Variants in PATJ observed in about 807,000 individuals in gnomAD.
PATJ encodes the protein inaD-like protein.
PATJ carries 190 observed loss-of-function variants against 224.9 expected under a neutral mutation model. The ratio of observed to expected loss-of-function variants is 0.84; its 90% CI spans 0.75 to 0.95. The LOEUF (loss-of-function observed/expected upper bound fraction) is 0.95, where lower values mean the gene tolerates loss of function less well. PATJ is among the 40% of genes least tolerant of loss of function. PATJ has a pLI of 0.00. For synonymous variants in PATJ, 769 were observed against 820.3 expected, an observed-to-expected ratio of 0.94 and a Z score of 1.07; for missense variants, 2,121 against 2,270.3, an observed-to-expected ratio of 0.93 and a Z score of 1.34.
intron 7 of PATJ, among the ~76,000 whole-genome samples, chr1:61,783,892 C>A (rs1441633883): frequency 2.0e-5 from 3 of 151,942 alleles, no homozygotes; most frequent in Non-Finnish European, 2.9e-5. Context: ...CACAGGCGCT[C>A]ACCACCATGC....
chr1:61,804,525 G>A (rs1198710591), intron 12 of PATJ, among the ~76,000 whole-genome samples: 2 of 152,112 alleles, frequency 1.3e-5, no homozygotes, highest in Admixed American at 6.5e-5. Flanking sequence ...TAGGCAGATG[G>A]TTATATCAGT....
chr1:61,868,868 G>A (rs1228254905), intron 20 of PATJ, among the ~76,000 whole-genome samples: 5 of 152,062 alleles, frequency 3.3e-5, no homozygotes, highest in Admixed American at 1.3e-4. Flanking sequence ...TCTATTTTGT[G>A]CCTGGGAGAG....
chr1:61,936,092 A>G (rs1331381860), intron 27 of PATJ, among the ~76,000 whole-genome samples: 1 of 152,082 alleles, frequency 6.6e-6, no homozygotes, highest in African/African-American at 2.4e-5. Context: ...AATTCAGTAT[A>G]TTCAGAATTG....
At chr1:61,990,656 T>G (rs1645009537) in intron 28 of PATJ, among the ~76,000 whole-genome samples, 1 of 152,206 alleles carries the variant, frequency 6.6e-6, no homozygotes, top group Admixed American at 6.5e-5. Context: ...CAAAATTAAT[T>G]TGTATATTAA....
intron 1 of PATJ, among the ~76,000 whole-genome samples, chr1:61,748,115 G>A (rs970485768): frequency 1.3e-5 from 2 of 151,110 alleles, no homozygotes; most frequent in Non-Finnish European, 3.0e-5. Context: ...TTCTGACCTC[G>A]TGATCCACCC....
At chr1:61,914,876 C>T (rs867648455) in intron 26 of PATJ, among the ~76,000 whole-genome samples, 21 of 152,112 alleles carry the variant, frequency 1.4e-4, no homozygotes, top group South Asian at 2.1e-4. Context: ...ATACTATAAA[C>T]GGCCAGTCAG....
intron 23 of PATJ, among the ~76,000 whole-genome samples, chr1:61,900,516 C>T (rs1411911959): frequency 6.6e-6 from 1 of 152,166 alleles, no homozygotes. Flanking sequence ...GACAACGAGC[C>T]ACTCAGTGGC....
At chr1:61,819,089 C>T (rs1656745579) in intron 14 of PATJ, among the ~76,000 whole-genome samples, 1 of 152,206 alleles carries the variant, frequency 6.6e-6, no homozygotes, top group Non-Finnish European at 1.5e-5. Context: ...CCTCCCACAG[C>T]CATCCCCCAG....
intron 29 of PATJ, among the ~76,000 whole-genome samples, chr1:62,022,503 A>G (rs1647143177): frequency 6.6e-6 from 1 of 152,126 alleles, no homozygotes; most frequent in African/African-American, 2.4e-5. Flanking sequence ...CGTGTTTGGC[A>G]TTCTCCCCTT....
chr1:61,866,446 C>A (rs1337843031), intron 20 of PATJ, among the ~76,000 whole-genome samples: 1 of 151,968 alleles, frequency 6.6e-6, no homozygotes, highest in Non-Finnish European at 1.5e-5. Context: ...TATTTGAATT[C>A]TTCAGTGCAT....
At chr1:62,088,009 A>G (rs1660239281) in intron 33 of PATJ, among the ~76,000 whole-genome samples, 1 of 112,068 alleles carries the variant, frequency 8.9e-6, no homozygotes, top group East Asian at 2.1e-4. Context: ...CTCCTGCCTC[A>G]GCCTCCTGAG....
chr1:61,923,661 T>C (rs1674663728), intron 26 of PATJ, among the ~76,000 whole-genome samples: 1 of 152,106 alleles, frequency 6.6e-6, no homozygotes, highest in Non-Finnish European at 1.5e-5. Context: ...CTCATGCCTG[T>C]AATCCCAGCA....
intron 22 of PATJ, among the ~76,000 whole-genome samples, chr1:61,884,697 G>A (rs1434671936): frequency 6.6e-6 from 1 of 152,044 alleles, no homozygotes; most frequent in African/African-American, 2.4e-5. Context: ...TGCACTTGAG[G>A]ACAAATTAAA....
intron 34 of PATJ, among the ~76,000 whole-genome samples, chr1:62,110,406 A>G (rs1663655155): frequency 6.6e-6 from 1 of 152,208 alleles, no homozygotes; most frequent in South Asian, 2.1e-4. Flanking sequence ...GCGTAACACT[A>G]CATCAGCACT....
At chr1:61,799,324 C>T (rs909079347) in intron 11 of PATJ, among the ~76,000 whole-genome samples, 1 of 152,166 alleles carries the variant, frequency 6.6e-6, no homozygotes, top group African/African-American at 2.4e-5. Context: ...TCCCCAGTAG[C>T]TGGAATTACA....
intron 31 of PATJ, among the ~76,000 whole-genome samples, chr1:62,064,777 T>C (rs1402564849): frequency 6.6e-6 from 1 of 152,258 alleles, no homozygotes; most frequent in Admixed American, 6.5e-5. Flanking sequence ...GATCTTGAAC[T>C]GTATGCTTAA....
chr1:61,993,736 C>A (rs1032486230), intron 28 of PATJ, among the ~76,000 whole-genome samples: 2 of 152,120 alleles, frequency 1.3e-5, no homozygotes, highest in African/African-American at 4.8e-5. Flanking sequence ...AAACTGCAAG[C>A]AGAGAACAAA....
At chr1:62,127,947 G>C (rs1665891901) in intron 39 of PATJ, 25 bp from the exon 40 acceptor site, 1 of 1,612,874 alleles carries the variant, frequency 6.2e-7, no homozygotes, top group Non-Finnish European at 8.5e-7. Context: ...AAATATAAAA[G>C]CATTATGTTT....
chr1:62,127,643 TA>T (rs1665862229), intron 39 of PATJ, among the ~76,000 whole-genome samples: 1 of 152,082 alleles, frequency 6.6e-6, no homozygotes, highest in African/African-American at 2.4e-5. Context: ...CTGTCTCTAC[TA>T]AAAATACAAA....
Sources: allele counts gnomAD v4.1 joint callset (sites outside exome capture counted in the v4.1 genomes callset), GRCh38; gene constraint gnomAD v4.1.1; transcripts MANE v1.5; gene names NCBI Gene and HGNC (gene_info 2026-07-23, HGNC 2026-07-21).